The following BMPR2 variants were observed in gnomAD, a reference collection of about 807,000 sequenced individuals.
The protein encoded by BMPR2 is bone morphogenetic protein receptor type-2.
BMPR2 carries 29 observed loss-of-function variants against 100.8 expected under a neutral mutation model. The observed-to-expected ratio is 0.29, with a 90% confidence interval of 0.21 to 0.39. The LOEUF (loss-of-function observed/expected upper bound fraction) is 0.39, where lower values mean the gene tolerates loss of function less well. Ranked by LOEUF, BMPR2 falls within the 10% of genes least tolerant of loss-of-function variation. The pLI is 1.00. For missense variants in BMPR2, 1,011 were observed against 1,274.5 expected, an observed-to-expected ratio of 0.79 and a Z score of 3.15; for synonymous variants, 382 against 442.3, an observed-to-expected ratio of 0.86 and a Z score of 1.71.
In BMPR2 at chr2:202,555,543, G is replaced by C. The variant is rs200428510; in HGVS notation, c.1878G>C (p.Met626Ile). Reference protein sequence around the residue: ...NTTGLTPSTGMTTISEMPYPD... With the variant: ...NTTGLTPSTGITTISEMPYPD... ...CAGGACTCACGCCAAGTACTGGCATGACTACTATATCTGAGATGCCATACC... is the reference window on the plus strand; with the variant it reads ...CAGGACTCACGCCAAGTACTGGCATCACTACTATATCTGAGATGCCATACC... Residue 626 changes from methionine to isoleucine, a missense_variant, in exon 12 of 13, where the codon ATG becomes ATC. By Grantham distance (10) the Met-to-Ile change is conservative. Transcript: ENST00000374580. 6.8e-6 allele frequency: 11 copies of C among 1,614,132 alleles called. No individual in the cohort carries two copies. The African/African-American group carries it at 1.5e-4, about 22-fold the overall frequency.
Position 202,542,436 on chromosome 2 carries a change from GA to G in BMPR2, c.1406del (p.Asn469IlefsTer5). 1 of 1,614,002 alleles carries G rather than the reference GA, an allele frequency of 6.2e-7. No individual in the cohort carries two copies. Among genetic ancestry groups the G allele is most frequent in the Non-Finnish European group, 8.5e-7 (1 of 1,179,962 alleles). Reference protein sequence around the residue: ...QRPKFPEAWKENSLAVRSLKE... With the variant: ...QRPKFPEAWKXNSLAVRSLKE... ...ACCCAAGTTCCCAGAAGCCTGGAAA[GA>G]AAATAGCCTGGTAAGAAAAAACTAA... is the stretch of plus-strand genomic sequence containing the variant. On this transcript the variant is annotated frameshift_variant, in exon 10 of 13. Coordinates refer to ENST00000374580, the MANE Select transcript of BMPR2 (RefSeq NM_001204.7). LOFTEE classifies it high-confidence loss of function.
chr2:202,393,882 C>CTAGAGA (rs1553494887), intron 1 of BMPR2, among the ~76,000 whole-genome samples: 4 of 97,928 alleles, frequency 4.1e-5, no homozygotes, highest in Non-Finnish European at 8.3e-5. Flanking sequence ...AATGAGAGAG[C>CTAGAGA]GAGAGAGAGA....
At chr2:202,433,050 A>G (rs1301544539) in intron 1 of BMPR2, among the ~76,000 whole-genome samples, 1 of 150,230 alleles carries the variant, frequency 6.7e-6, no homozygotes, top group East Asian at 1.9e-4. Flanking sequence ...CTATATCTAA[A>G]TTAACCTTTG....
chr2:202,379,886 A>G (rs966259711), intron 1 of BMPR2, among the ~76,000 whole-genome samples: 1 of 148,050 alleles, frequency 6.8e-6, no homozygotes, highest in African/African-American at 2.5e-5. Flanking sequence ...CAGACAGAGT[A>G]TCACTCTGTC....
chr2:202,475,605 A>G (rs1436759340), intron 3 of BMPR2, among the ~76,000 whole-genome samples: 1 of 152,160 alleles, frequency 6.6e-6, no homozygotes, highest in Admixed American at 6.5e-5. Context: ...GCCAGCCTCT[A>G]TCCCGTATCT....
At chr2:202,518,273 G>T (rs2106006217) in intron 5 of BMPR2, among the ~76,000 whole-genome samples, 1 of 151,574 alleles carries the variant, frequency 6.6e-6, no homozygotes, top group Admixed American at 6.6e-5. Flanking sequence ...GAGTAGCTAG[G>T]ATTACAGGCG....
chr2:202,517,151 C>T (rs115968950), intron 5 of BMPR2, among the ~76,000 whole-genome samples: 18,141 of 150,256 alleles, frequency 0.12, 1,196 homozygotes, highest in Admixed American at 0.14. Context: ...ACCCGGGAAA[C>T]GGAGGTTGCA....
At chr2:202,418,160 T>C (rs1053965337) in intron 1 of BMPR2, among the ~76,000 whole-genome samples, 1 of 152,248 alleles carries the variant, frequency 6.6e-6, no homozygotes, top group East Asian at 1.9e-4. Flanking sequence ...GTTCTGGAAC[T>C]AAGCCTGCAA....
rs1294071717 is a variant in BMPR2 at position 202,482,540 on chromosome 2, A to AT, written c.418+14867dup. Among the ~76,000 whole-genome samples the AT allele has an allele frequency of 4.3e-3, 601 of 138,692 alleles. 1 individual carries two copies. Among genetic ancestry groups the AT allele is most frequent in the East Asian group, 0.012 (58 of 4,800 alleles). 91.0% of individuals were successfully genotyped at this position (138,692 alleles called of 152,430 possible). A position where few individuals can be genotyped will look rare whatever the true frequency, so the allele number is the denominator to read the frequency against. On this transcript the variant is annotated intron_variant, in intron 3 of 12. Transcript: ENST00000374580. ...AGGCACATGACCCCATGCCTGTCTA[A>AT]TTTTTTTTTTTTTTTTGAGACGGAG...
intron 7 of BMPR2, among the ~76,000 whole-genome samples, chr2:202,521,354 C>T (rs866266085): frequency 6.1e-4 from 93 of 152,078 alleles, no homozygotes; most frequent in African/African-American, 2.1e-3. Flanking sequence ...ATTGCTTGAG[C>T]TCGGGAGTTT....
intron 12 of BMPR2, among the ~76,000 whole-genome samples, chr2:202,556,791 TA>T (rs1176201671): frequency 6.8e-6 from 1 of 147,828 alleles, no homozygotes. Context: ...TACTAAAAAA[TA>T]AAAAAAATTA....
At chr2:202,399,591 T>C (rs1690724391) in intron 1 of BMPR2, among the ~76,000 whole-genome samples, 1 of 152,212 alleles carries the variant, frequency 6.6e-6, no homozygotes, top group South Asian at 2.1e-4. Flanking sequence ...CATAATCTAA[T>C]TTTCATTTTT....
In BMPR2 at chr2:202,532,573, C is replaced by A. The variant is rs755232236; in HGVS notation, c.1129-12C>A. The A allele has an allele frequency of 6.2e-7, 1 of 1,613,534 alleles. No homozygotes were observed. The highest frequency in any genetic ancestry group is 8.5e-7 in the Non-Finnish European group (1 of 1,179,620). ...CGTTCTCTCTCTAAAAAATATCACT[C>A]TAATTTATCAGGTTGGCACTATCAG... is the stretch of plus-strand genomic sequence containing the variant. On this transcript the variant is annotated splice_polypyrimidine_tract_variant and intron_variant, in intron 8 of 12. Coordinates refer to ENST00000374580, the MANE Select transcript of BMPR2 (RefSeq NM_001204.7). This position sits in a 1 kb window ranked among gnomAD's most constrained non-coding sequence, Gnocchi z 4.1.
At chr2:202,463,058 C>G (rs1207997649) in intron 1 of BMPR2, among the ~76,000 whole-genome samples, 3 of 152,014 alleles carry the variant, frequency 2.0e-5, no homozygotes, top group Non-Finnish European at 4.4e-5. Context: ...GTTCAAAACT[C>G]CTTTAAGAGG....
At chr2:202,498,126 T>C (rs1409992385) in intron 3 of BMPR2, among the ~76,000 whole-genome samples, 2 of 152,146 alleles carry the variant, frequency 1.3e-5, no homozygotes, top group Non-Finnish European at 2.9e-5. Context: ...ATAACATCTT[T>C]ATAGGACAGG....
chr2:202,496,141 T>C (rs1331753244), intron 3 of BMPR2, among the ~76,000 whole-genome samples: 1 of 152,182 alleles, frequency 6.6e-6, no homozygotes, highest in Admixed American at 6.5e-5. Context: ...ATTTACTTAT[T>C]TTCCAAAAAT....
intron 1 of BMPR2, among the ~76,000 whole-genome samples, chr2:202,452,900 G>A (rs1338031089): frequency 6.6e-6 from 1 of 152,196 alleles, no homozygotes. Context: ...GTGGTCTGGG[G>A]TAATTAGAGT....
At chr2:202,514,569 A>G (rs906277613) in intron 4 of BMPR2, among the ~76,000 whole-genome samples, 2 of 152,236 alleles carry the variant, frequency 1.3e-5, no homozygotes, top group Non-Finnish European at 2.9e-5. Context: ...TTAGGAAATC[A>G]GCGTTCATTG....
At chr2:202,414,923 A>G (rs1469751676) in intron 1 of BMPR2, among the ~76,000 whole-genome samples, 1 of 151,924 alleles carries the variant, frequency 6.6e-6, no homozygotes, top group Non-Finnish European at 1.5e-5. Context: ...TATTTTTAGT[A>G]GAGATGGGGT....
Sources: allele counts gnomAD v4.1 joint callset (sites outside exome capture counted in the v4.1 genomes callset), GRCh38; gene constraint gnomAD v4.1.1; non-coding constraint Gnocchi (gnomAD v3.1); transcripts MANE v1.5; gene names NCBI Gene and HGNC (gene_info 2026-07-23, HGNC 2026-07-21).